Variants in TULP3 observed in about 807,000 individuals in gnomAD.
TULP3 encodes the protein tubby-related protein 3.
A neutral mutation model predicts 50.7 loss-of-function variants in TULP3; 38 were observed. That is an observed-to-expected ratio of 0.75 (90% CI 0.58 to 0.98). TULP3 has a LOEUF of 0.98. TULP3 is among the 50% of genes least tolerant of loss of function. The pLI is 0.00. For missense variants in TULP3, 550 were observed against 568.0 expected, an observed-to-expected ratio of 0.97 and a Z score of 0.32; for synonymous variants, 183 against 196.6, an observed-to-expected ratio of 0.93 and a Z score of 0.58.
At chr12:2,894,642 T>C (rs1287147624) in intron 1 of TULP3, among the ~76,000 whole-genome samples, 3 of 151,776 alleles carry the variant, frequency 2.0e-5, no homozygotes, top group African/African-American at 7.3e-5. Context: ...ATGCCTGTAA[T>C]CCCAGCACTT....
intron 4 of TULP3, among the ~76,000 whole-genome samples, chr12:2,928,266 C>T (rs1329462935): frequency 6.6e-6 from 1 of 152,226 alleles, no homozygotes; most frequent in African/African-American, 2.4e-5. Flanking sequence ...CATGGTGGCT[C>T]ACGCCTATAA....
Position 2,909,514 on chromosome 12 carries a change from T to A in TULP3, c.42-15T>A, listed in dbSNP as rs775053597. ...TCTTTTTATATACTTGCTTTATTTTTTTTTTTTTTAACAGTGTCTTCCATG... is the reference window on the plus strand; with the variant it reads ...TCTTTTTATATACTTGCTTTATTTTATTTTTTTTTAACAGTGTCTTCCATG... On this transcript the variant is annotated splice_polypyrimidine_tract_variant and intron_variant, in intron 1 of 10. Transcript: ENST00000448120. The A allele has an allele frequency of 4.4e-6, 7 of 1,574,830 alleles. No homozygotes were observed. Among genetic ancestry groups the A allele is most frequent in the African/African-American group, 2.8e-5 (2 of 71,784 alleles).
chr12:2,895,777 CA>C (rs1230201895), intron 1 of TULP3, among the ~76,000 whole-genome samples: 1 of 152,114 alleles, frequency 6.6e-6, no homozygotes, highest in Admixed American at 6.6e-5. Flanking sequence ...ATAGTGTACA[CA>C]AACCTTGATG....
At chr12:2,913,915 G>T (rs2098187124) in intron 2 of TULP3, among the ~76,000 whole-genome samples, 1 of 151,702 alleles carries the variant, frequency 6.6e-6, no homozygotes, top group African/African-American at 2.4e-5. Context: ...GGCCTCTGTG[G>T]TTTACTTCTA....
intron 2 of TULP3, among the ~76,000 whole-genome samples, chr12:2,914,473 A>G (rs1382180561): frequency 8.5e-5 from 13 of 152,190 alleles, no homozygotes; most frequent in African/African-American, 2.9e-4. Flanking sequence ...TGAACACTAG[A>G]ACATATTTCT....
chr12:2,923,712 C>T (rs941435708), intron 4 of TULP3, among the ~76,000 whole-genome samples: 3 of 151,358 alleles, frequency 2.0e-5, no homozygotes, highest in African/African-American at 7.3e-5. Context: ...TGGCTCATGC[C>T]TATAATCCTA....
At chr12:2,903,806 G>A (rs959322286) in intron 1 of TULP3, among the ~76,000 whole-genome samples, 38 of 151,814 alleles carry the variant, frequency 2.5e-4, no homozygotes, top group African/African-American at 8.5e-4. Context: ...TTGAGATGAA[G>A]CCTAGCTCTG....
At position 2,938,150 on chromosome 12, in the gene TULP3, A is replaced by G; in HGVS notation, c.1060A>G (p.Thr354Ala). The stretch of plus-strand genomic sequence containing the variant: ...TTTGCTCTCAAGGTGGCAGAACAGA[A>G]CTATGGAAAATCTGGTTGAGCTGCA... Reference protein sequence around the residue: ...DSLLSRWQNRTMENLVELHNK... With the variant: ...DSLLSRWQNRAMENLVELHNK... The change falls in exon 10 of 11, where the codon ACT (threonine) becomes GCT (alanine). Residue 354 changes from threonine (T) to alanine (A), a missense_variant. Thr to Ala is a moderately conservative substitution (Grantham distance 58). Coordinates refer to ENST00000448120, the MANE Select transcript of TULP3 (RefSeq NM_003324.5). 6.2e-7 allele frequency: 1 copy of G among 1,614,216 alleles called. No individual in the cohort carries two copies. The highest frequency in any genetic ancestry group is 8.5e-7 in the Non-Finnish European group (1 of 1,180,032).
chr12:2,929,796 A>T (rs2098196859), intron 4 of TULP3, among the ~76,000 whole-genome samples: 1 of 151,996 alleles, frequency 6.6e-6, no homozygotes, highest in African/African-American at 2.4e-5. Context: ...TCACCATGTT[A>T]GCCAGGATGG....
intron 4 of TULP3, among the ~76,000 whole-genome samples, 159 bp from the exon 5 acceptor site, chr12:2,930,087 GTC>G (rs1243084641): frequency 6.6e-6 from 1 of 152,002 alleles, no homozygotes; most frequent in Admixed American, 6.6e-5. Flanking sequence ...TCTACTTTCT[GTC>G]TCTATGAATT....
intron 1 of TULP3, among the ~76,000 whole-genome samples, chr12:2,902,864 A>AT (rs55745440): frequency 0.018 from 2,618 of 144,698 alleles, 67 homozygotes; most frequent in African/African-American, 0.053. Flanking sequence ...GGGCAATGGG[A>AT]TTTTTTTTTT....
chr12:2,902,731 A>G (rs987804115), intron 1 of TULP3, among the ~76,000 whole-genome samples: 13 of 152,144 alleles, frequency 8.5e-5, no homozygotes, highest in Non-Finnish European at 2.9e-5. Flanking sequence ...AGCAATGGAG[A>G]GTAACGTTTT....
chr12:2,902,907 G>C (rs115231959), intron 1 of TULP3, among the ~76,000 whole-genome samples: 1,881 of 149,688 alleles, frequency 0.013, 45 homozygotes, highest in African/African-American at 0.044. Flanking sequence ...TGTTGCCCAG[G>C]CTAGAGTGTC....
chr12:2,920,811 A>G lies in TULP3; in HGVS notation c.142A>G (p.Met48Val), dbSNP rs1565503593. 6 of 1,614,168 alleles carry G rather than the reference A, an allele frequency of 3.7e-6. No individual in the cohort carries two copies. The highest frequency in any genetic ancestry group is 5.1e-6 in the Non-Finnish European group (6 of 1,180,020). ...RQRKKRLEPF[M>V]VQPNPEARLR... ...AAGGAAAAAGCGCCTTGAGCCATTT[A>G]TGGTGCAGCCCAATCCAGAAGCCAG... Residue 48 changes from methionine to valine, a missense_variant, in exon 3 of 11, where the codon ATG becomes GTG. By Grantham distance (21) the Met-to-Val change is conservative. Transcript: ENST00000448120.
intron 1 of TULP3, among the ~76,000 whole-genome samples, chr12:2,891,767 T>A (rs1396762150): frequency 6.6e-6 from 1 of 152,106 alleles, no homozygotes; most frequent in Non-Finnish European, 1.5e-5. Flanking sequence ...AGACAAAGAT[T>A]TGGGGCCAGG....
In TULP3 at chr12:2,940,225, T is replaced by C. The variant is rs993933036; in HGVS notation, c.*781T>C. On this transcript the variant is annotated 3_prime_UTR_variant, in exon 11 of 11. Coordinates refer to ENST00000448120, the MANE Select transcript of TULP3 (RefSeq NM_003324.5). Reference sequence around the variant, plus strand: ...CCTCTCACAGCTATATGACTACGGATCCATTAGTGAGGAGCGACACACACA... The same window carrying C: ...CCTCTCACAGCTATATGACTACGGACCCATTAGTGAGGAGCGACACACACA... The C allele has an allele frequency of 9.7e-6, 13 of 1,346,326 alleles. No homozygotes were observed. In the African/African-American group the frequency reaches 1.8e-4, roughly 18 times the overall value. The allele number at this position is 1,346,326 out of a possible 1,614,324, so 83.4% of individuals were successfully genotyped here.
intron 6 of TULP3, among the ~76,000 whole-genome samples, chr12:2,932,266 G>C (rs1011929590): frequency 6.6e-6 from 1 of 151,848 alleles, no homozygotes; most frequent in East Asian, 1.9e-4. Flanking sequence ...TCCTCTGTCT[G>C]TGTCCCCATG....
intron 2 of TULP3, among the ~76,000 whole-genome samples, chr12:2,917,341 G>A (rs2098189177): frequency 6.6e-6 from 1 of 151,938 alleles, no homozygotes; most frequent in Non-Finnish European, 1.5e-5. Context: ...GCATGGTGGG[G>A]TGCACCTGTA....
chr12:2,930,533 C>T (rs1221898960), intron 5 of TULP3, among the ~76,000 whole-genome samples, 188 bp downstream of exon 5: 1 of 152,172 alleles, frequency 6.6e-6, no homozygotes, highest in South Asian at 2.1e-4. Context: ...ACGCCATTCT[C>T]CTGCCTCAAT....
Sources: gnomAD v4.1 joint callset for allele counts (sites outside exome capture counted in the v4.1 genomes callset) on GRCh38, gnomAD v4.1.1 for gene constraint, MANE v1.5 for transcripts, NCBI Gene and HGNC (gene_info 2026-07-23, HGNC 2026-07-21) for gene names.